Variants in SNX10 observed in about 807,000 individuals in gnomAD.
The protein encoded by SNX10 is sorting nexin 10, also known as sorting nexin-10.
In SNX10, 25 loss-of-function variants were observed where a neutral mutation model predicts 28.5. The observed-to-expected ratio is 0.88, with a 90% confidence interval of 0.64 to 1.22. The LOEUF is 1.22. SNX10 is among the 50% of genes most tolerant of loss of function. The pLI, the probability that SNX10 is intolerant of heterozygous loss-of-function variation, is 0.00. For missense variants in SNX10, 223 were observed against 242.6 expected (o/e 0.92, Z 0.54); for synonymous variants, 62 against 81.4 (o/e 0.76, Z 1.28).
At chr7:26,329,940 G>A (rs1476440809) in intron 1 of SNX10, among the ~76,000 whole-genome samples, 2 of 152,238 alleles carry the variant, frequency 1.3e-5, no homozygotes, top group African/African-American at 4.8e-5. Flanking sequence ...GTGGAAGGAC[G>A]GGAGGTCCAC....
chr7:26,343,074 G>A (rs1043699353), intron 1 of SNX10, among the ~76,000 whole-genome samples: 1 of 152,182 alleles, frequency 6.6e-6, no homozygotes, highest in Non-Finnish European at 1.5e-5. Context: ...AAAGTGCTGA[G>A]ATTACAGGTG....
intron 1 of SNX10, among the ~76,000 whole-genome samples, chr7:26,324,925 C>T (rs961755095): frequency 6.6e-6 from 1 of 152,046 alleles, no homozygotes; most frequent in African/African-American, 2.4e-5. Flanking sequence ...GGTCACAGAA[C>T]ATTTCTTTGG....
intron 2 of SNX10, among the ~76,000 whole-genome samples, chr7:26,359,240 A>G (rs1207547151): frequency 6.6e-6 from 1 of 152,192 alleles, no homozygotes; most frequent in Non-Finnish European, 1.5e-5. Context: ...TGCAAGGACA[A>G]AGTGTTGCCC....
intron 2 of SNX10, among the ~76,000 whole-genome samples, chr7:26,348,700 C>T (rs1327611719): frequency 6.6e-6 from 1 of 152,232 alleles, no homozygotes; most frequent in Non-Finnish European, 1.5e-5. Flanking sequence ...GTCTCTAGCA[C>T]TCTGCAGGAT....
chr7:26,316,171 G>A (rs1199972779), intron 1 of SNX10, among the ~76,000 whole-genome samples: 2 of 144,714 alleles, frequency 1.4e-5, no homozygotes, highest in Non-Finnish European at 1.5e-5. Context: ...GAGACAGAGC[G>A]AGACTGTCTC....
intron 1 of SNX10, among the ~76,000 whole-genome samples, chr7:26,313,085 G>T (rs1786915402): frequency 6.6e-6 from 1 of 152,194 alleles, no homozygotes; most frequent in African/African-American, 2.4e-5. Flanking sequence ...ATAGTAGCAC[G>T]AGAATGTCTT....
At chr7:26,328,392 G>C (rs1787587993) in intron 1 of SNX10, among the ~76,000 whole-genome samples, 1 of 152,196 alleles carries the variant, frequency 6.6e-6, no homozygotes, top group South Asian at 2.1e-4. Context: ...TACCAGCCTG[G>C]TTTGGACACA....
At chr7:26,335,658 A>G (rs1281546385) in intron 1 of SNX10, among the ~76,000 whole-genome samples, 1 of 150,164 alleles carries the variant, frequency 6.7e-6, no homozygotes, top group Non-Finnish European at 1.5e-5. Context: ...GGGCATAGGT[A>G]GTATTGAGAG....
At chr7:26,351,213 A>G (rs1157332389) in intron 2 of SNX10, among the ~76,000 whole-genome samples, 1 of 152,274 alleles carries the variant, frequency 6.6e-6, no homozygotes, top group Non-Finnish European at 1.5e-5. Flanking sequence ...AGAAAGAATT[A>G]GTAAACATAA....
At chr7:26,371,756 C>A in intron 5 of SNX10, 65 bp from the exon 6 acceptor site, 2 of 1,150,446 alleles carry the variant, frequency 1.7e-6, no homozygotes, top group Non-Finnish European at 2.5e-6. Context: ...TAATGTTTTT[C>A]TTTCTTCTAC....
chr7:26,363,931 C>A (rs559631942), intron 3 of SNX10, among the ~76,000 whole-genome samples: 2 of 152,286 alleles, frequency 1.3e-5, no homozygotes, highest in African/African-American at 2.4e-5. Context: ...GAATTCCGGT[C>A]GGCCTGTCCT....
chr7:26,372,107 A>AAG, intron 6 of SNX10, 74 bp downstream of exon 6: 2 of 938,924 alleles, frequency 2.1e-6, no homozygotes, highest in Admixed American at 2.4e-5. Context: ...ACGTGTATAG[A>AAG]TATATATACA....
chr7:26,302,480 G>A (rs1786410880), intron 1 of SNX10, among the ~76,000 whole-genome samples: 2 of 152,170 alleles, frequency 1.3e-5, no homozygotes, highest in African/African-American at 4.8e-5. Context: ...GTCTCCCTCT[G>A]TGTGCAGCAA....
At chr7:26,308,953 A>G (rs954579798) in intron 1 of SNX10, among the ~76,000 whole-genome samples, 2 of 152,144 alleles carry the variant, frequency 1.3e-5, no homozygotes, top group Non-Finnish European at 2.9e-5. Flanking sequence ...GTCCCCACAC[A>G]CTTGGTCACA....
intron 2 of SNX10, among the ~76,000 whole-genome samples, chr7:26,347,146 TCA>T (rs1289563983): frequency 6.6e-6 from 1 of 152,014 alleles, no homozygotes; most frequent in Non-Finnish European, 1.5e-5. Flanking sequence ...TGCACACGAG[TCA>T]CACATTCACA....
chr7:26,319,493 A>G (rs1306471472), intron 1 of SNX10, among the ~76,000 whole-genome samples: 2 of 152,188 alleles, frequency 1.3e-5, no homozygotes, highest in African/African-American at 4.8e-5. Flanking sequence ...TGATATGTTC[A>G]GAGATGGGCA....
At chr7:26,370,831 T>C (rs185945019) in intron 5 of SNX10, 40 of 152,342 alleles carry the variant, frequency 2.6e-4, no homozygotes, top group Non-Finnish European at 1.0e-4. Flanking sequence ...GTGTTAGTTT[T>C]GTCCCCTGTA....
intron 5 of SNX10, among the ~76,000 whole-genome samples, chr7:26,366,127 C>T (rs1789280472): frequency 6.6e-6 from 1 of 152,182 alleles, no homozygotes; most frequent in Non-Finnish European, 1.5e-5. Flanking sequence ...TAGTTACTGA[C>T]AGGACCCAGT....
chr7:26,369,625 A>C (rs1789425509), intron 5 of SNX10, among the ~76,000 whole-genome samples: 1 of 152,074 alleles, frequency 6.6e-6, no homozygotes, highest in Non-Finnish European at 1.5e-5. Context: ...GGCCTGGGGG[A>C]GTGTTCAGAT....
Sources: gnomAD v4.1 joint callset for allele counts (sites outside exome capture counted in the v4.1 genomes callset) on GRCh38, gnomAD v4.1.1 for gene constraint, MANE v1.5 for transcripts, NCBI Gene and HGNC (gene_info 2026-07-23, HGNC 2026-07-21) for gene names.